Variants in KCTD8 observed in about 807,000 individuals in gnomAD.
The protein encoded by KCTD8 is potassium channel tetramerization domain containing 8.
A neutral mutation model predicts 31.5 loss-of-function variants in KCTD8; 27 were observed. That is an observed-to-expected ratio of 0.86 (90% CI 0.63 to 1.18). KCTD8 has a LOEUF of 1.18. Ranked by LOEUF, KCTD8 falls within the 50% of genes most tolerant of loss-of-function variation. The probability of loss-of-function intolerance (pLI) is 0.00; values close to 1 mark genes in which losing one functional copy is unlikely to be tolerated. For synonymous variants in KCTD8, 290 were observed against 280.0 expected (o/e 1.04, Z -0.36); for missense variants, 658 against 647.7 (o/e 1.02, Z -0.17).
intron 1 of KCTD8, among the ~76,000 whole-genome samples, chr4:44,189,466 T>C (rs191049116): frequency 2.8e-4 from 39 of 140,024 alleles, no homozygotes; most frequent in African/African-American, 9.9e-4. Context: ...AGGTCCTTAA[T>C]ATTTTGGAAA....
At chr4:44,285,457 CA>C in intron 1 of KCTD8, among the ~76,000 whole-genome samples, 1 of 152,056 alleles carries the variant, frequency 6.6e-6, no homozygotes, top group South Asian at 2.1e-4. Flanking sequence ...GAACATCACA[CA>C]CTGGGGCCTG....
chr4:44,182,259 C>T (rs1391158061), intron 1 of KCTD8, among the ~76,000 whole-genome samples: 1 of 152,360 alleles, frequency 6.6e-6, no homozygotes, highest in East Asian at 1.9e-4. Flanking sequence ...AGGAGCCCCT[C>T]TGCCCGGCCA....
intron 1 of KCTD8, among the ~76,000 whole-genome samples, chr4:44,407,650 T>C (rs1317465931): frequency 6.6e-6 from 1 of 152,126 alleles, no homozygotes; most frequent in East Asian, 1.9e-4. Context: ...CCTCCCAAAG[T>C]GCTGGGATTA....
rs549587542 is a variant in KCTD8, at chr4:44,279,655, T to C, written c.962-104405A>G. Among the ~76,000 whole-genome samples, 4 of 152,178 alleles carry C rather than the reference T, an allele frequency of 2.6e-5. No individual in the cohort carries two copies. The South Asian group carries it at 8.3e-4, about 32-fold the overall frequency. Reference sequence around the variant, plus strand: ...CATGATCTCCAGGAAACAAACGTCATGGGGAACAGAATTCTGCCTACCAAA... The same window carrying C: ...CATGATCTCCAGGAAACAAACGTCACGGGGAACAGAATTCTGCCTACCAAA... On this transcript the variant is annotated intron_variant, in intron 1 of 1. Coordinates refer to ENST00000360029, the MANE Select transcript of KCTD8 (RefSeq NM_198353.3).
intron 1 of KCTD8, among the ~76,000 whole-genome samples, chr4:44,364,651 T>C (rs1347912822): frequency 6.6e-6 from 1 of 152,102 alleles, no homozygotes; most frequent in Non-Finnish European, 1.5e-5. Context: ...TTTCCAAAAC[T>C]TGAAAGCAAC....
intron 1 of KCTD8, among the ~76,000 whole-genome samples, chr4:44,419,702 G>A (rs1236468487): frequency 6.6e-6 from 1 of 152,004 alleles, no homozygotes; most frequent in Non-Finnish European, 1.5e-5. Flanking sequence ...GGCCTGTCGG[G>A]GGATGGGGGG....
intron 1 of KCTD8, among the ~76,000 whole-genome samples, chr4:44,196,481 T>C (rs1012733029): frequency 1.3e-5 from 2 of 152,198 alleles, no homozygotes; most frequent in Non-Finnish European, 2.9e-5. Flanking sequence ...GGGTTCAAGA[T>C]AGCAGACTGG....
In KCTD8 at chr4:44,447,823, C is replaced by T. The variant is rs780193663; in HGVS notation, c.701G>A (p.Arg234His). 4 of 1,598,410 alleles carry T rather than the reference C, an allele frequency of 2.5e-6. No individual in the cohort carries two copies. The highest frequency in any genetic ancestry group is 3.4e-6 in the Non-Finnish European group (4 of 1,170,970). ...QADAKFRRVA[R>H]IMVCGRIALA... ...CGCGATGCGCCCGCACACCATGATGCGCGCCACACGCCGGAATTTGGCGTC... is the reference window on the plus strand; with the variant it reads ...CGCGATGCGCCCGCACACCATGATGTGCGCCACACGCCGGAATTTGGCGTC... Residue 234 changes from arginine (R) to histidine (H), a missense_variant, in exon 1 of 2, where the codon CGC (arginine) becomes CAC (histidine). By Grantham distance (29) the Arg-to-His change is conservative. Transcript: ENST00000360029.
chr4:44,348,655 T>C (rs1213925983), intron 1 of KCTD8, among the ~76,000 whole-genome samples: 1 of 152,250 alleles, frequency 6.6e-6, no homozygotes, highest in Non-Finnish European at 1.5e-5. Context: ...GTGATAATGA[T>C]GTGTTGAACA....
chr4:44,365,219 C>T (rs965358110), intron 1 of KCTD8, among the ~76,000 whole-genome samples: 2 of 151,858 alleles, frequency 1.3e-5, no homozygotes, highest in Non-Finnish European at 2.9e-5. Flanking sequence ...TTCTGTAAAC[C>T]TATATTTTTT....
At chr4:44,234,104 T>C (rs963228189) in intron 1 of KCTD8, among the ~76,000 whole-genome samples, 29 of 86,728 alleles carry the variant, frequency 3.3e-4, no homozygotes, top group African/African-American at 1.0e-3. Flanking sequence ...GTAATACTTA[T>C]TTAATTTTCA....
At chr4:44,316,548 A>C (rs1718113776) in intron 1 of KCTD8, among the ~76,000 whole-genome samples, 1 of 152,082 alleles carries the variant, frequency 6.6e-6, no homozygotes, top group Non-Finnish European at 1.5e-5. Context: ...CCAGTTGTAT[A>C]TGTCTCTTCT....
intron 1 of KCTD8, among the ~76,000 whole-genome samples, chr4:44,182,960 C>T (rs190010636): frequency 2.0e-5 from 3 of 151,986 alleles, no homozygotes; most frequent in East Asian, 1.9e-4. Flanking sequence ...GTATAAATGC[C>T]GAAAAATGTT....
intron 1 of KCTD8, among the ~76,000 whole-genome samples, chr4:44,284,456 T>C (rs1034208587): frequency 2.0e-5 from 3 of 152,126 alleles, no homozygotes; most frequent in African/African-American, 7.2e-5. Context: ...TCTTACACCT[T>C]ATACAAAAAT....
intron 1 of KCTD8, among the ~76,000 whole-genome samples, chr4:44,286,185 T>C (rs1465050752): frequency 6.6e-6 from 1 of 152,154 alleles, no homozygotes; most frequent in Admixed American, 6.6e-5. Context: ...GGGAGTTTCA[T>C]GACTTTAAAT....
intron 1 of KCTD8, among the ~76,000 whole-genome samples, chr4:44,242,527 G>A (rs937803586): frequency 1.3e-5 from 2 of 151,952 alleles, no homozygotes; most frequent in Non-Finnish European, 2.9e-5. Flanking sequence ...GCAGTGAGCC[G>A]AGATAGCACC....
At chr4:44,373,463 G>A (rs916561658) in intron 1 of KCTD8, among the ~76,000 whole-genome samples, 7 of 151,890 alleles carry the variant, frequency 4.6e-5, no homozygotes, top group East Asian at 3.9e-4. Flanking sequence ...TATGATTCTC[G>A]GTACCTAACC....
chr4:44,406,637 C>T (rs1426870761), intron 1 of KCTD8, among the ~76,000 whole-genome samples: 1 of 152,062 alleles, frequency 6.6e-6, no homozygotes, highest in African/African-American at 2.4e-5. Context: ...ACTAACACAC[C>T]TTGCCTTAAC....
chr4:44,423,530 T>A (rs1721273308), intron 1 of KCTD8, among the ~76,000 whole-genome samples: 1 of 152,068 alleles, frequency 6.6e-6, no homozygotes, highest in Non-Finnish European at 1.5e-5. Flanking sequence ...AGTGACCCAA[T>A]TCCTCTGTTC....
Sources: gnomAD v4.1 joint callset for allele counts (sites outside exome capture counted in the v4.1 genomes callset) on GRCh38, gnomAD v4.1.1 for gene constraint, MANE v1.5 for transcripts, NCBI Gene and HGNC (gene_info 2026-07-23, HGNC 2026-07-21) for gene names.